ASPRV1: variants seen among roughly 807,000 people sequenced by gnomAD.
The protein encoded by ASPRV1 is retroviral-like aspartic protease 1.
A neutral mutation model predicts 11.0 loss-of-function variants in ASPRV1; 7 were observed. The observed-to-expected ratio is 0.64, with a 90% confidence interval of 0.36 to 1.20. ASPRV1 has a LOEUF of 1.20. Ranked by LOEUF, ASPRV1 falls within the 50% of genes most tolerant of loss-of-function variation. The pLI is 0.02. For missense variants in ASPRV1, 299 were observed against 320.0 expected (o/e 0.93, Z 0.50); for synonymous variants, 136 against 138.4 (o/e 0.98, Z 0.12).
the ASPRV1 span, among the ~76,000 whole-genome samples, chr2:70,008,466 C>T: frequency 9.5e-6 from 1 of 105,114 alleles, no homozygotes; most frequent in African/African-American, 6.8e-5. Flanking sequence ...GAGGCCAGGT[C>T]TGGCAGCAGA....
At chr2:70,000,242 G>A in the ASPRV1 span, among the ~76,000 whole-genome samples, 1 of 151,298 alleles carries the variant, frequency 6.6e-6, no homozygotes, top group Non-Finnish European at 1.5e-5. Context: ...CAGCTACTGG[G>A]CAGGCTAAGG....
the ASPRV1 span, among the ~76,000 whole-genome samples, chr2:70,073,780 A>G: frequency 6.6e-6 from 1 of 152,140 alleles, no homozygotes. Context: ...TACCTTCTTC[A>G]GGGAGACGGC....
chr2:69,978,170 G>C, the ASPRV1 span, among the ~76,000 whole-genome samples: 4 of 152,206 alleles, frequency 2.6e-5, no homozygotes, highest in African/African-American at 9.7e-5. Flanking sequence ...GCCAGGCAGT[G>C]ATCCCAGCAT....
At chr2:69,950,568 G>A in the ASPRV1 span, among the ~76,000 whole-genome samples, 4 of 152,222 alleles carry the variant, frequency 2.6e-5, no homozygotes, top group African/African-American at 7.2e-5. Context: ...GAGGCTGGGC[G>A]CAGTGGCTCA....
At chr2:69,951,804 A>G in the ASPRV1 span, among the ~76,000 whole-genome samples, 2 of 152,064 alleles carry the variant, frequency 1.3e-5, no homozygotes, top group Middle Eastern at 3.2e-3. Context: ...ATTTTCAGCC[A>G]ATTATGTCTC....
the ASPRV1 span, among the ~76,000 whole-genome samples, chr2:69,994,655 G>C: frequency 6.6e-6 from 1 of 152,138 alleles, no homozygotes; most frequent in South Asian, 2.1e-4. Context: ...TTGCTACTGG[G>C]TCATGAAATC....
chr2:70,015,811 A>C, the ASPRV1 span: 1 of 152,136 alleles, frequency 6.6e-6, no homozygotes, highest in Non-Finnish European at 1.5e-5. Context: ...AAAAATACAA[A>C]AATTAGCTGG....
the ASPRV1 span, among the ~76,000 whole-genome samples, chr2:69,979,634 G>C: frequency 8.5e-5 from 13 of 152,190 alleles, no homozygotes; most frequent in African/African-American, 3.1e-4. Flanking sequence ...TGAGGCCCTT[G>C]AGAGTGACAG....
chr2:70,078,039 C>T, the ASPRV1 span, among the ~76,000 whole-genome samples: 28 of 152,012 alleles, frequency 1.8e-4, no homozygotes, highest in Admixed American at 5.9e-4. Context: ...TGGTGGCACA[C>T]GCCTGTAATC....
At chr2:69,936,876 G>C in the ASPRV1 span, 1 of 435,276 alleles carries the variant, frequency 2.3e-6, no homozygotes, top group Non-Finnish European at 4.7e-6. Context: ...CAGTTTTCTA[G>C]TCCGGAGATC....
At chr2:70,006,101 A>G in the ASPRV1 span, among the ~76,000 whole-genome samples, 1 of 152,202 alleles carries the variant, frequency 6.6e-6, no homozygotes, top group African/African-American at 2.4e-5. Flanking sequence ...ATATGTGCAC[A>G]TGCACATGCC....
At chr2:70,074,351 C>T in the ASPRV1 span, among the ~76,000 whole-genome samples, 1 of 149,744 alleles carries the variant, frequency 6.7e-6, no homozygotes. Flanking sequence ...TGCAGTGGCA[C>T]AATCTTGGCT....
At chr2:70,014,864 C>T in the ASPRV1 span, among the ~76,000 whole-genome samples, 1 of 132,840 alleles carries the variant, frequency 7.5e-6, no homozygotes, top group African/African-American at 2.8e-5. Context: ...TGGGAAAAAA[C>T]ATTTGCAAAT....
chr2:69,984,610 C>CT, the ASPRV1 span, among the ~76,000 whole-genome samples: 259 of 65,332 alleles, frequency 4.0e-3, 28 homozygotes, highest in African/African-American at 0.011. Flanking sequence ...TCAGGTCCAG[C>CT]TTTTTTTTTT....
At chr2:69,944,807 C>G in the ASPRV1 span, among the ~76,000 whole-genome samples, 1 of 151,890 alleles carries the variant, frequency 6.6e-6, no homozygotes, top group Non-Finnish European at 1.5e-5. Flanking sequence ...AAGGACCCCC[C>G]CTCCTCTACT....
chr2:69,985,077 C>T, the ASPRV1 span, among the ~76,000 whole-genome samples: 1 of 152,110 alleles, frequency 6.6e-6, no homozygotes, highest in Non-Finnish European at 1.5e-5. Context: ...AGGATGGTCT[C>T]GATCTCCTGA....
the ASPRV1 span, among the ~76,000 whole-genome samples, chr2:69,985,307 C>T: frequency 6.6e-6 from 1 of 152,060 alleles, no homozygotes; most frequent in African/African-American, 2.4e-5. Context: ...CTGAGTTAGC[C>T]ACACTCCTCA....
At chr2:69,941,739 G>A in the ASPRV1 span, 1 of 152,132 alleles carries the variant, frequency 6.6e-6, no homozygotes, top group Non-Finnish European at 1.5e-5. Context: ...AGGTAGGATT[G>A]TGATGCTCAA....
the ASPRV1 span, among the ~76,000 whole-genome samples, chr2:70,037,324 C>T: frequency 6.6e-6 from 1 of 152,130 alleles, no homozygotes; most frequent in African/African-American, 2.4e-5. Flanking sequence ...CCTCAACTTC[C>T]TAAAGTGCTG....
Sources: allele counts gnomAD v4.1 joint callset (sites outside exome capture counted in the v4.1 genomes callset), GRCh38; gene constraint gnomAD v4.1.1; transcripts MANE v1.5; gene names NCBI Gene and HGNC (gene_info 2026-07-23, HGNC 2026-07-21).